The following EOGT variants were observed in gnomAD, a reference collection of about 807,000 sequenced individuals.
The protein encoded by EOGT is EGF domain specific O-linked N-acetylglucosamine transferase.
In EOGT, 55 loss-of-function variants were observed where a neutral mutation model predicts 70.5. The observed-to-expected ratio is 0.78, with a 90% confidence interval of 0.63 to 0.98. The LOEUF (loss-of-function observed/expected upper bound fraction) is 0.98. EOGT is among the 50% of genes least tolerant of loss of function. The pLI, the probability that EOGT is intolerant of heterozygous loss-of-function variation, is 0.00. For synonymous variants in EOGT, 246 were observed against 217.1 expected (o/e 1.13, Z -1.17); for missense variants, 703 against 641.9 (o/e 1.10, Z -1.03).
Position 69,012,510 on chromosome 3 carries a change from C to A in EOGT, c.-71+5G>T, listed in dbSNP as rs1346235909. On this transcript the variant is annotated splice_donor_5th_base_variant and intron_variant, in intron 2 of 17. Transcript: ENST00000383701. The stretch of plus-strand genomic sequence containing the variant: ...CCAGTGAGCTCTGGCCATCACTAAA[C>A]TCACCGATCAGTGGAGAAGTAACGC... 6.6e-6 allele frequency: 1 copy of A among 152,378 alleles called. No homozygotes were observed. The highest frequency in any genetic ancestry group is 1.5e-5 in the Non-Finnish European group (1 of 68,170). The allele number at this position is 152,378 out of a possible 1,614,324, so 9.4% of individuals were successfully genotyped here.
At position 69,005,182 on chromosome 3, in the gene EOGT, T is replaced by C. The variant is rs1311752325; in HGVS notation, c.473A>G (p.Asn158Ser). ...GATGTTTCTTAAATCAAGATAGAGA[T>C]TGGTTGCTCTGCAGTACTGAAGATA... is the stretch of plus-strand genomic sequence containing the variant. ...SRYLQYCRAT[N>S]LYLDLRNIKR... is the part of the protein sequence containing the mutation. The change falls in exon 7 of 18, where the codon AAT becomes AGT. Residue 158 changes from asparagine (N) to serine (S), a missense_variant. Transcript: ENST00000383701. The C allele has an allele frequency of 2.5e-6, 4 of 1,606,520 alleles. No homozygotes were observed. Among genetic ancestry groups the C allele is most frequent in the East Asian group, 2.2e-5 (1 of 44,788 alleles).
intron 17 of EOGT, among the ~76,000 whole-genome samples, 185 bp downstream of exon 17, chr3:68,978,148 A>G (rs1372297237): frequency 2.0e-5 from 3 of 152,260 alleles, no homozygotes; most frequent in Non-Finnish European, 4.4e-5. Flanking sequence ...TTGTAACATT[A>G]AAGATATAGG....
At chr3:68,985,247 T>G (rs1000184811) in intron 14 of EOGT, among the ~76,000 whole-genome samples, 1 of 152,200 alleles carries the variant, frequency 6.6e-6, no homozygotes, top group African/African-American at 2.4e-5. Context: ...TTTCTAGGTC[T>G]TTAAACACAC....
chr3:69,004,080 A>G (rs547238443), intron 8 of EOGT, among the ~76,000 whole-genome samples: 7 of 152,350 alleles, frequency 4.6e-5, no homozygotes, highest in African/African-American at 1.7e-4. Flanking sequence ...TTATGTAAGT[A>G]ACCTATGTGA....
At position 68,977,328 on chromosome 3, in the gene EOGT, A is replaced by C. The variant is rs867947864; in HGVS notation, c.*290T>G. ...GTGACAGTGAGACTCTGTCTCCAAA[A>C]AAAAAAAAAGAAAGAAAGAAAGTTA... On this transcript the variant is annotated 3_prime_UTR_variant, in exon 18 of 18. Coordinates refer to ENST00000383701, the MANE Select transcript of EOGT (RefSeq NM_001278689.2). The C allele has an allele frequency of 1.2e-4, 30 of 243,670 alleles. No homozygotes were observed. The highest frequency in any genetic ancestry group is 1.8e-4 in the South Asian group (3 of 17,132). The allele number at this position is 243,670 out of a possible 1,614,324, so 15.1% of individuals were successfully genotyped here.
intron 15 of EOGT, among the ~76,000 whole-genome samples, chr3:68,980,664 T>A (rs1247648394): frequency 1.3e-5 from 2 of 152,116 alleles, no homozygotes; most frequent in Non-Finnish European, 2.9e-5. Context: ...CAACAAAAAC[T>A]CCGCATAGGA....
intron 3 of EOGT, among the ~76,000 whole-genome samples, chr3:69,010,213 T>C (rs911174751): frequency 3.9e-5 from 6 of 152,234 alleles, no homozygotes; most frequent in Non-Finnish European, 7.3e-5. Context: ...CAGCAAACTT[T>C]TCCTGTAAAG....
At chr3:69,003,256 G>A (rs962458073) in intron 8 of EOGT, among the ~76,000 whole-genome samples, 3 of 152,166 alleles carry the variant, frequency 2.0e-5, no homozygotes, top group East Asian at 1.9e-4. Context: ...GGTTATATGA[G>A]ATATTATCAT....
At chr3:68,982,175 C>A (rs750073925) in intron 15 of EOGT, among the ~76,000 whole-genome samples, 1 of 152,172 alleles carries the variant, frequency 6.6e-6, no homozygotes, top group African/African-American at 2.4e-5. Flanking sequence ...TCCCAAAGTG[C>A]TAGGATTACA....
chr3:69,000,841 A>G (rs2091275767), intron 9 of EOGT, among the ~76,000 whole-genome samples: 1 of 152,206 alleles, frequency 6.6e-6, no homozygotes, highest in East Asian at 1.9e-4. Context: ...AATAAATTAC[A>G]CTGGTAACTT....
intron 8 of EOGT, among the ~76,000 whole-genome samples, chr3:69,002,602 G>T (rs762758069): frequency 4.0e-5 from 6 of 151,240 alleles, no homozygotes; most frequent in Non-Finnish European, 8.8e-5. Flanking sequence ...ATGATCTGCA[G>T]CCAGGCAGTG....
Position 68,982,791 on chromosome 3 carries a change from TGAG to T in EOGT, c.1214+17_1214+19del. 1 of 1,582,152 alleles carries T rather than the reference TGAG, an allele frequency of 6.3e-7. No individual in the cohort carries two copies. The highest frequency in any genetic ancestry group is 1.2e-5 in the South Asian group (1 of 86,026). ...CCAAGCAAAAGTTGACAGTGTCTGC[TGAG>T]ATTGGCTATTACTTACCTATACTTG... is the stretch of plus-strand genomic sequence containing the variant. On this transcript the variant is annotated intron_variant, in intron 15 of 17. Coordinates refer to ENST00000383701, the MANE Select transcript of EOGT (RefSeq NM_001278689.2).
chr3:68,975,747 T>C lies in EOGT; in HGVS notation c.*1871A>G, dbSNP rs796511897. On this transcript the variant is annotated 3_prime_UTR_variant, in exon 18 of 18. Transcript: ENST00000383701. The stretch of plus-strand genomic sequence containing the variant: ...GTCTGAATCAAAGCCATTGCTACAG[T>C]GATTCACTATTTTCTTTACAGGTAT... The C allele has an allele frequency of 3.5e-4, 53 of 152,312 alleles. No homozygotes were observed. Among genetic ancestry groups the C allele is most frequent in the African/African-American group, 1.3e-3 (53 of 41,574 alleles). 9.4% of individuals were successfully genotyped at this position (152,312 alleles called of 1,614,324 possible). A position where few individuals can be genotyped will look rare whatever the true frequency, so the allele number is the denominator to read the frequency against.
rs372750704 is a variant in EOGT, at chr3:68,988,340, G to C, written c.1038C>G (p.Ala346=). 1 of 1,535,944 alleles carries C rather than the reference G, an allele frequency of 6.5e-7. No homozygotes were observed. The highest frequency in any genetic ancestry group is 8.7e-7 in the Non-Finnish European group (1 of 1,146,830). ...CQNTGLFRAF[A]QHVLHRLNIT... Reference sequence around the variant, plus strand: ...TGTTTAGTCTGTGTAGTACATGCTGGGCAAATGCCCTGAATAGTCCAGTAT... The same window carrying C: ...TGTTTAGTCTGTGTAGTACATGCTGCGCAAATGCCCTGAATAGTCCAGTAT... The change falls in exon 13 of 18, where the codon GCC becomes GCG. Residue 346 remains alanine, a synonymous_variant. Coordinates refer to ENST00000383701, the MANE Select transcript of EOGT (RefSeq NM_001278689.2).
At chr3:68,994,885 T>C (rs1193239622) in intron 10 of EOGT, among the ~76,000 whole-genome samples, 1 of 152,232 alleles carries the variant, frequency 6.6e-6, no homozygotes, top group Non-Finnish European at 1.5e-5. Context: ...TTATTCATTC[T>C]GTTTGATAAG....
At chr3:68,982,668 C>A (rs1415083924) in intron 15 of EOGT, 143 bp downstream of exon 15, 4 of 443,270 alleles carry the variant, frequency 9.0e-6, no homozygotes, top group African/African-American at 6.1e-5. Context: ...ACTTCACCTG[C>A]CCATTTCATT....
chr3:69,000,462 G>A (rs1484595189), intron 9 of EOGT, among the ~76,000 whole-genome samples: 2 of 152,094 alleles, frequency 1.3e-5, no homozygotes, highest in African/African-American at 4.8e-5. Flanking sequence ...GTCAAAACCT[G>A]GAACATAGCA....
At chr3:68,990,068 T>C (rs1409793133) in intron 10 of EOGT, among the ~76,000 whole-genome samples, 1 of 152,194 alleles carries the variant, frequency 6.6e-6, no homozygotes, top group Non-Finnish European at 1.5e-5. Context: ...CAACTTTATA[T>C]AATAATAATA....
In EOGT at chr3:69,004,026, C is replaced by G. The variant is rs184561884; in HGVS notation, c.620+352G>C. On this transcript the variant is annotated intron_variant, in intron 8 of 17. Coordinates refer to ENST00000383701, the MANE Select transcript of EOGT (RefSeq NM_001278689.2). Reference sequence around the variant, plus strand: ...GTGCTGAGATTATAGGCATGAGCCACCATTCCTGGCCTTGGCATGGACGTT... The same window carrying G: ...GTGCTGAGATTATAGGCATGAGCCAGCATTCCTGGCCTTGGCATGGACGTT... 1.5e-4 allele frequency among the ~76,000 whole-genome samples: 23 copies of G among 152,282 alleles called. No homozygotes were observed. The East Asian group carries it at 4.2e-3, about 28-fold the overall frequency.
Sources: gnomAD v4.1 joint callset for allele counts (sites outside exome capture counted in the v4.1 genomes callset) on GRCh38, gnomAD v4.1.1 for gene constraint, MANE v1.5 for transcripts, NCBI Gene and HGNC (gene_info 2026-07-23, HGNC 2026-07-21) for gene names.